The following CDK14 variants were observed in gnomAD, a reference collection of about 807,000 sequenced individuals.
The protein encoded by CDK14 is cyclin-dependent kinase 14.
Under a neutral mutation model 60.7 loss-of-function variants are expected in CDK14, and 34 were observed. The observed-to-expected ratio is 0.56, with a 90% CI of 0.43 to 0.75. The LOEUF is 0.75. Among genes scored for constraint, CDK14 ranks in the 30% least tolerant of loss-of-function variants. The pLI is 0.00. For synonymous variants in CDK14, 197 were observed against 203.7 expected (o/e 0.97, Z 0.28); for missense variants, 482 against 564.1 (o/e 0.85, Z 1.47).
At chr7:91,112,340 CTGTTAT>C (rs1473878894) in intron 12 of CDK14, among the ~76,000 whole-genome samples, 196 bp from the exon 13 acceptor site, 2 of 147,758 alleles carry the variant, frequency 1.4e-5, no homozygotes, top group Non-Finnish European at 3.0e-5. Context: ...ATCAATTATA[CTGTTAT>C]ACCTAGAGTA....
chr7:90,668,680 G>C (rs1801032686), intron 2 of CDK14, among the ~76,000 whole-genome samples: 1 of 113,846 alleles, frequency 8.8e-6, no homozygotes, highest in South Asian at 3.1e-4. Flanking sequence ...TTTATATGGT[G>C]TAAGGAAGGA....
At chr7:91,030,321 C>T (rs1796726063) in intron 10 of CDK14, among the ~76,000 whole-genome samples, 1 of 152,118 alleles carries the variant, frequency 6.6e-6, no homozygotes, top group African/African-American at 2.4e-5. Context: ...CTAAAAATAG[C>T]AGCGTCTTTT....
At chr7:90,726,435 C>A in intron 2 of CDK14, 132 bp from the exon 3 acceptor site, 1 of 1,239,830 alleles carries the variant, frequency 8.1e-7, no homozygotes, top group Non-Finnish European at 1.1e-6. Context: ...GCTGATGCAG[C>A]TTTTAGAATG....
chr7:90,657,883 C>A (rs1800782307), intron 2 of CDK14, among the ~76,000 whole-genome samples: 2 of 152,154 alleles, frequency 1.3e-5, no homozygotes, highest in Non-Finnish European at 2.9e-5. Context: ...AGACCAAGGC[C>A]CAGTGAGCCT....
intron 1 of CDK14, among the ~76,000 whole-genome samples, chr7:90,601,675 A>C (rs12704552): frequency 0.95 from 145,095 of 152,300 alleles, 69,145 homozygotes; most frequent in East Asian, 1. Context: ...TTGTTCAAGG[A>C]ATTCCAGTTT....
intron 5 of CDK14, among the ~76,000 whole-genome samples, chr7:90,821,319 A>G (rs1789539441): frequency 6.6e-6 from 1 of 152,182 alleles, no homozygotes; most frequent in African/African-American, 2.4e-5. Context: ...AGGTGATCCT[A>G]CAGAGTGTTC....
chr7:90,696,541 C>T (rs758239916), intron 2 of CDK14, among the ~76,000 whole-genome samples: 58 of 151,958 alleles, frequency 3.8e-4, no homozygotes, highest in Non-Finnish European at 8.2e-4. Context: ...TGTCAAACTC[C>T]TGGCCTCAAG....
At chr7:90,827,332 GTTTA>G (rs1008786563) in intron 5 of CDK14, among the ~76,000 whole-genome samples, 5 of 152,128 alleles carry the variant, frequency 3.3e-5, no homozygotes, top group South Asian at 2.1e-4. Context: ...ATGTACCACA[GTTTA>G]TTTATTTATT....
At chr7:90,932,574 T>G (rs1793626312) in intron 8 of CDK14, among the ~76,000 whole-genome samples, 1 of 152,140 alleles carries the variant, frequency 6.6e-6, no homozygotes, top group Non-Finnish European at 1.5e-5. Flanking sequence ...TTTACTAGAT[T>G]AAGAACAAAT....
At chr7:90,620,672 T>C (rs1475590203) in intron 2 of CDK14, among the ~76,000 whole-genome samples, 1 of 152,160 alleles carries the variant, frequency 6.6e-6, no homozygotes, top group Non-Finnish European at 1.5e-5. Flanking sequence ...CACCGTTTCA[T>C]AGAGCTGGGC....
chr7:91,118,056 T>C lies in CDK14; in HGVS notation c.1295-9T>C, dbSNP rs3735649. 96,793 of 1,490,382 alleles carry C rather than the reference T, an allele frequency of 0.065. 5,794 individuals carry two copies. Among genetic ancestry groups the C allele is most frequent in the East Asian group, 0.32 (14,345 of 44,168 alleles). 92.3% of individuals were successfully genotyped at this position (1,490,382 alleles called of 1,614,324 possible). A position where few individuals can be genotyped will look rare whatever the true frequency, so the allele number is the denominator to read the frequency against. ...CTATATAAATGAAAACTTCATATTC[T>C]GTCCACAGTGTCTTCTATTTTTACT... On this transcript the variant is annotated splice_polypyrimidine_tract_variant and intron_variant, in intron 13 of 14. Transcript: ENST00000380050.
intron 10 of CDK14, among the ~76,000 whole-genome samples, chr7:91,011,736 C>T (rs937225823): frequency 6.6e-6 from 1 of 152,050 alleles, no homozygotes; most frequent in Non-Finnish European, 1.5e-5. Context: ...TATCATTAAT[C>T]TCATTCAGTG....
At chr7:91,053,294 T>G (rs1797444797) in intron 11 of CDK14, among the ~76,000 whole-genome samples, 1 of 152,316 alleles carries the variant, frequency 6.6e-6, no homozygotes, top group Admixed American at 6.5e-5. Flanking sequence ...CTCAGAGAGA[T>G]AGTGTGGTTT....
intron 2 of CDK14, among the ~76,000 whole-genome samples, chr7:90,686,910 A>G (rs1039420811): frequency 2.0e-5 from 3 of 152,182 alleles, no homozygotes; most frequent in Non-Finnish European, 4.4e-5. Flanking sequence ...ATTATATTGT[A>G]TGAGCAAGAG....
At chr7:90,876,390 A>C (rs1237883520) in intron 6 of CDK14, among the ~76,000 whole-genome samples, 27 of 152,180 alleles carry the variant, frequency 1.8e-4, no homozygotes, top group Non-Finnish European at 2.9e-5. Flanking sequence ...CTCTGGGTTT[A>C]AGAGGGGCAG....
rs528840555 is a variant in CDK14, at chr7:90,722,733, T to A, written c.124-3834T>A. ...TAGTTTCCACTGATTTTTATAATTA[T>A]CAACTGTGCCATAGTCAGATCCATT... On this transcript the variant is annotated intron_variant, in intron 2 of 14. Coordinates refer to ENST00000380050, the MANE Select transcript of CDK14 (RefSeq NM_001287135.2). Among the ~76,000 whole-genome samples, 151 of 152,302 alleles carry A rather than the reference T, an allele frequency of 9.9e-4. 3 individuals are homozygous for A. The South Asian group carries it at 0.03, about 31-fold the overall frequency.
At chr7:91,031,067 C>T (rs1584248521) in intron 10 of CDK14, among the ~76,000 whole-genome samples, 1 of 152,188 alleles carries the variant, frequency 6.6e-6, no homozygotes, top group African/African-American at 2.4e-5. Flanking sequence ...AATTAAGCAG[C>T]CTTCTGTGCA....
chr7:90,765,289 A>T (rs1804507884), intron 4 of CDK14, among the ~76,000 whole-genome samples: 1 of 152,180 alleles, frequency 6.6e-6, no homozygotes, highest in Non-Finnish European at 1.5e-5. Context: ...AGAAAGTTTC[A>T]TGGCTAAGTG....
intron 2 of CDK14, chr7:90,631,825 C>G (rs975457055): frequency 1.3e-4 from 20 of 152,136 alleles, no homozygotes; most frequent in African/African-American, 4.6e-4. Flanking sequence ...ACAGGAAGCT[C>G]AAGGGTAAAT....
Sources: allele counts gnomAD v4.1 joint callset (sites outside exome capture counted in the v4.1 genomes callset), GRCh38; gene constraint gnomAD v4.1.1; transcripts MANE v1.5; gene names NCBI Gene and HGNC (gene_info 2026-07-23, HGNC 2026-07-21).